The following CEP83 variants were observed in gnomAD, a reference collection of about 807,000 sequenced individuals.
CEP83 encodes the protein centrosomal protein 83.
In CEP83, 70 loss-of-function variants were observed where a neutral mutation model predicts 101.9. That is an observed-to-expected ratio of 0.69 (90% CI 0.57 to 0.84). The LOEUF is 0.84. Ranked by LOEUF, CEP83 falls within the 40% of genes least tolerant of loss-of-function variation. CEP83 has a pLI of 0.00. For missense variants in CEP83, 715 were observed against 787.2 expected, an observed-to-expected ratio of 0.91 and a Z score of 1.10; for synonymous variants, 264 against 267.9, an observed-to-expected ratio of 0.99 and a Z score of 0.14.
chr12:94,447,502 G>GA (rs1162353430), intron 1 of CEP83, among the ~76,000 whole-genome samples: 1 of 151,386 alleles, frequency 6.6e-6, no homozygotes, highest in Non-Finnish European at 1.5e-5. Flanking sequence ...AACCTGTCTG[G>GA]AAAAAAAAGA....
Position 94,341,759 on chromosome 12 carries a change from C to A in CEP83, c.1344-6095G>T, listed in dbSNP as rs145426070. Among the ~76,000 whole-genome samples, 120 of 152,106 alleles carry A rather than the reference C, an allele frequency of 7.9e-4. 1 individual carries two copies. The East Asian group carries it at 0.022, about 28-fold the overall frequency. ...AAGGAATGAAAGCTGTTTTATATAG[C>A]AAAAAACTAAAAAACAAAACAAAAC... On this transcript the variant is annotated intron_variant, in intron 11 of 16. Coordinates refer to ENST00000397809, the MANE Select transcript of CEP83 (RefSeq NM_016122.3).
chr12:94,334,197 T>G (rs2059359527), intron 12 of CEP83, among the ~76,000 whole-genome samples: 1 of 152,158 alleles, frequency 6.6e-6, no homozygotes, highest in South Asian at 2.1e-4. Context: ...TTCCAAACCT[T>G]CTGTATGTCC....
chr12:94,268,676 C>T, the CEP83 span, among the ~76,000 whole-genome samples: 1 of 147,214 alleles, frequency 6.8e-6, no homozygotes, highest in East Asian at 2.0e-4. Flanking sequence ...CTCACTGCAA[C>T]CTCCGCCTCT....
chr12:94,313,835 C>CA (rs1336184389), intron 14 of CEP83, among the ~76,000 whole-genome samples: 19 of 151,824 alleles, frequency 1.3e-4, no homozygotes, highest in Non-Finnish European at 1.3e-4. Context: ...GACTCTGTCT[C>CA]AAAAAAGGAA....
At chr12:94,340,717 G>A (rs567214573) in intron 11 of CEP83, among the ~76,000 whole-genome samples, 2 of 152,328 alleles carry the variant, frequency 1.3e-5, no homozygotes, top group South Asian at 2.1e-4. Context: ...GATCACAGGC[G>A]TGAGCCACCA....
chr12:94,345,752 T>A (rs2059906625), intron 11 of CEP83, among the ~76,000 whole-genome samples: 1 of 152,206 alleles, frequency 6.6e-6, no homozygotes, highest in African/African-American at 2.4e-5. Flanking sequence ...CCAAGAAGAA[T>A]CTAAATGCAC....
the CEP83 span, among the ~76,000 whole-genome samples, chr12:94,285,090 G>A: frequency 6.9e-6 from 1 of 145,722 alleles, no homozygotes; most frequent in African/African-American, 2.5e-5. Flanking sequence ...GGGATAGTAA[G>A]ATGAGGGTGG....
At chr12:94,418,518 A>G (rs2064465897) in intron 2 of CEP83, among the ~76,000 whole-genome samples, 1 of 152,208 alleles carries the variant, frequency 6.6e-6, no homozygotes, top group African/African-American at 2.4e-5. Flanking sequence ...CATACAAAAT[A>G]AATAAGCAGC....
chr12:94,341,015 G>C (rs1022160488), intron 11 of CEP83, among the ~76,000 whole-genome samples: 1 of 152,222 alleles, frequency 6.6e-6, no homozygotes, highest in African/African-American at 2.4e-5. Context: ...TTGTTTGCTT[G>C]CATTAGTTGG....
chr12:94,459,239 G>C (rs1017240378), intron 1 of CEP83, among the ~76,000 whole-genome samples: 4 of 152,202 alleles, frequency 2.6e-5, no homozygotes, highest in Non-Finnish European at 5.9e-5. Flanking sequence ...TCTCAGTAAT[G>C]ACAGTCGACA....
the CEP83 span, chr12:94,301,105 C>T: frequency 6.5e-7 from 1 of 1,549,480 alleles, no homozygotes; most frequent in African/African-American, 1.4e-5. Flanking sequence ...ATGAGTTTGA[C>T]ATACTTGTCT....
intron 6 of CEP83, among the ~76,000 whole-genome samples, chr12:94,394,411 T>C (rs1462734554): frequency 6.6e-6 from 1 of 152,180 alleles, no homozygotes; most frequent in Non-Finnish European, 1.5e-5. Context: ...CTGGGAAAAC[T>C]GGCTAGCCAT....
Position 94,400,891 on chromosome 12 carries a change from C to T in CEP83, c.508G>A (p.Ala170Thr), listed in dbSNP as rs1216691318. The change falls in exon 6 of 17, where the codon GCA becomes ACA. Residue 170 changes from alanine (A) to threonine (T), a missense_variant. By Grantham distance (58) the Ala-to-Thr change is moderately conservative. Coordinates refer to ENST00000397809, the MANE Select transcript of CEP83 (RefSeq NM_016122.3). ...SEFEHQKEEY[A>T]RILDEGKIKY... ...ATTTTTCCTTCATCTAAAATACGTG[C>T]ATACTCTTCCTTCTGGTGTTCAAAT... The T allele has an allele frequency of 1.3e-6, 2 of 1,507,490 alleles. No individual in the cohort carries two copies. Among genetic ancestry groups the T allele is most frequent in the African/African-American group, 1.4e-5 (1 of 71,234 alleles). 93.4% of individuals were successfully genotyped at this position (1,507,490 alleles called of 1,614,324 possible). A position where few individuals can be genotyped will look rare whatever the true frequency, so the allele number is the denominator to read the frequency against.
the CEP83 span, among the ~76,000 whole-genome samples, chr12:94,268,458 T>C: frequency 2.0e-5 from 3 of 152,154 alleles, no homozygotes; most frequent in East Asian, 5.8e-4. Flanking sequence ...GAGGCAACAG[T>C]GAGACAGAAT....
At chr12:94,438,671 A>T (rs2066178132) in intron 1 of CEP83, among the ~76,000 whole-genome samples, 1 of 152,222 alleles carries the variant, frequency 6.6e-6, no homozygotes, top group African/African-American at 2.4e-5. Flanking sequence ...AACAGACTAT[A>T]CCCTAAAACA....
chr12:94,279,644 G>A, the CEP83 span: 1 of 1,614,122 alleles, frequency 6.2e-7, no homozygotes, highest in African/African-American at 1.3e-5. Context: ...AATGAAATTG[G>A]TCTTGGTAAG....
chr12:94,436,708 G>A (rs2066012580), intron 1 of CEP83, among the ~76,000 whole-genome samples: 1 of 151,708 alleles, frequency 6.6e-6, no homozygotes, highest in South Asian at 2.1e-4. Context: ...GCGTGCACCT[G>A]TAGTCCCAGC....
chr12:94,266,055 G>C, the CEP83 span, among the ~76,000 whole-genome samples: 2 of 152,288 alleles, frequency 1.3e-5, no homozygotes, highest in South Asian at 4.1e-4. Flanking sequence ...TCACGATCTC[G>C]TTAGTGGAGG....
intron 11 of CEP83, among the ~76,000 whole-genome samples, chr12:94,337,630 TATAAC>T (rs377383115): frequency 7.9e-5 from 12 of 152,116 alleles, no homozygotes; most frequent in Non-Finnish European, 1.2e-4. Context: ...AAATATACCT[TATAAC>T]AGACGTACAA....
Sources: gnomAD v4.1 joint callset for allele counts (sites outside exome capture counted in the v4.1 genomes callset) on GRCh38, gnomAD v4.1.1 for gene constraint, MANE v1.5 for transcripts, NCBI Gene and HGNC (gene_info 2026-07-23, HGNC 2026-07-21) for gene names.